The following KHDRBS2 variants were observed in gnomAD, a reference collection of about 807,000 sequenced individuals.
KHDRBS2 encodes KH RNA binding domain containing, signal transduction associated 2, also known as KH domain-containing, RNA-binding, signal transduction-associated protein 2.
In KHDRBS2, 26 loss-of-function variants were observed where a neutral mutation model predicts 44.3. That is an observed-to-expected ratio of 0.59 (90% confidence interval 0.43 to 0.81). The LOEUF (loss-of-function observed/expected upper bound fraction) is 0.81, where lower values mean the gene tolerates loss of function less well. KHDRBS2 is among the 40% of genes least tolerant of loss of function. The pLI is 0.00. For synonymous variants in KHDRBS2, 194 were observed against 151.1 expected (o/e 1.28, Z -2.08); for missense variants, 476 against 433.1 (o/e 1.10, Z -0.88).
chr6:61,680,660 G>GAA lies in KHDRBS2; in HGVS notation c.*301_*302dup. On this transcript the variant is annotated 3_prime_UTR_variant, in exon 9 of 9. Transcript: ENST00000281156. The stretch of plus-strand genomic sequence containing the variant: ...TCCTCAAAAAAAAAAAAAAGAAAAA[G>GAA]AAAAAAAAAAGATTACACACAACAA... The GAA allele has an allele frequency of 1.2e-5, 2 of 165,480 alleles. No homozygotes were observed. Among genetic ancestry groups the GAA allele is most frequent in the Admixed American group, 6.9e-5 (1 of 14,468 alleles). The allele number at this position is 165,480 out of a possible 1,614,324, so 10.3% of individuals were successfully genotyped here.
At chr6:62,170,842 G>A (rs1585047342) in intron 2 of KHDRBS2, among the ~76,000 whole-genome samples, 1 of 151,710 alleles carries the variant, frequency 6.6e-6, no homozygotes, top group Admixed American at 6.6e-5. Context: ...TGTAGCCCAG[G>A]AGTGCAGAAC....
intron 2 of KHDRBS2, among the ~76,000 whole-genome samples, chr6:62,083,238 A>G (rs985315965): frequency 1.3e-5 from 2 of 152,132 alleles, no homozygotes; most frequent in African/African-American, 4.8e-5. Context: ...GGTGAGAAGC[A>G]GCTTGACTCC....
intron 2 of KHDRBS2, among the ~76,000 whole-genome samples, chr6:62,093,214 TTAGA>T (rs1288331266): frequency 3.3e-5 from 5 of 150,746 alleles, no homozygotes; most frequent in East Asian, 1.9e-4. Flanking sequence ...TATCCTGACC[TTAGA>T]TAAAGTAAAA....
intron 1 of KHDRBS2, among the ~76,000 whole-genome samples, chr6:62,263,197 G>C (rs1838650054): frequency 6.6e-6 from 1 of 151,586 alleles, no homozygotes; most frequent in African/African-American, 2.4e-5. Flanking sequence ...AACACATTCA[G>C]TGCTATGAAA....
intron 6 of KHDRBS2, among the ~76,000 whole-genome samples, chr6:61,890,603 T>C (rs778900568): frequency 1.4e-4 from 22 of 152,230 alleles, no homozygotes; most frequent in Non-Finnish European, 2.6e-4. Flanking sequence ...TAAGCCTCTA[T>C]TTGGAGGACA....
chr6:61,817,234 C>CACTTA (rs1274864543), intron 6 of KHDRBS2, among the ~76,000 whole-genome samples: 2 of 151,688 alleles, frequency 1.3e-5, no homozygotes, highest in African/African-American at 4.9e-5. Flanking sequence ...TTTAAAAAAG[C>CACTTA]ACTTATTGTG....
chr6:61,618,025 T>C, the KHDRBS2 span, among the ~76,000 whole-genome samples: 1 of 152,212 alleles, frequency 6.6e-6, no homozygotes, highest in Non-Finnish European at 1.5e-5. Flanking sequence ...TCCACATTGA[T>C]ACAAATTTTT....
intron 2 of KHDRBS2, among the ~76,000 whole-genome samples, chr6:62,134,021 T>A (rs1467291262): frequency 6.6e-6 from 1 of 152,076 alleles, no homozygotes; most frequent in African/African-American, 2.4e-5. Context: ...AAAAGAAAAA[T>A]CCCATTTTCT....
At chr6:61,749,639 G>A (rs1275391187) in intron 6 of KHDRBS2, among the ~76,000 whole-genome samples, 1 of 152,108 alleles carries the variant, frequency 6.6e-6, no homozygotes, top group Non-Finnish European at 1.5e-5. Flanking sequence ...AGATGAACTA[G>A]TAGCTTGGAT....
the KHDRBS2 span, among the ~76,000 whole-genome samples, chr6:61,666,996 T>TTG: frequency 7.3e-5 from 11 of 150,454 alleles, no homozygotes; most frequent in South Asian, 2.1e-4. Context: ...TCTGGGTTTT[T>TTG]TTTTTTTTTT....
chr6:61,824,075 CAA>C (rs1269542395), intron 6 of KHDRBS2, among the ~76,000 whole-genome samples: 1 of 151,890 alleles, frequency 6.6e-6, no homozygotes, highest in African/African-American at 2.4e-5. Context: ...TTTAAAAGTT[CAA>C]AGAGTATTGT....
At chr6:62,217,328 A>C (rs1201496914) in intron 1 of KHDRBS2, among the ~76,000 whole-genome samples, 1 of 151,782 alleles carries the variant, frequency 6.6e-6, no homozygotes, top group East Asian at 1.9e-4. Flanking sequence ...CTGGGTTGTG[A>C]CTTTTTTATT....
chr6:62,119,955 C>G (rs914284966), intron 2 of KHDRBS2, among the ~76,000 whole-genome samples: 4 of 152,160 alleles, frequency 2.6e-5, no homozygotes, highest in African/African-American at 9.7e-5. Context: ...CAGTGCACTA[C>G]TCCCCAAAAG....
intron 6 of KHDRBS2, among the ~76,000 whole-genome samples, chr6:61,774,926 C>A (rs1435752266): frequency 1.3e-5 from 2 of 152,086 alleles, no homozygotes; most frequent in African/African-American, 4.8e-5. Context: ...AGCAGCACAT[C>A]AAAAGGCTCA....
chr6:61,973,948 T>C (rs1771959507), intron 4 of KHDRBS2, among the ~76,000 whole-genome samples: 1 of 152,182 alleles, frequency 6.6e-6, no homozygotes, highest in Admixed American at 6.6e-5. Flanking sequence ...AATCTATTTG[T>C]TATCCATGAC....
At chr6:62,248,550 G>A (rs906286956) in intron 1 of KHDRBS2, among the ~76,000 whole-genome samples, 8 of 151,770 alleles carry the variant, frequency 5.3e-5, no homozygotes, top group African/African-American at 1.9e-4. Context: ...GTAGAGACGG[G>A]GTTTCACCAC....
intron 1 of KHDRBS2, among the ~76,000 whole-genome samples, chr6:62,197,040 T>G (rs1157749455): frequency 6.6e-6 from 1 of 152,050 alleles, no homozygotes; most frequent in African/African-American, 2.4e-5. Flanking sequence ...AATGAGTATA[T>G]CATGCAGTAT....
intron 2 of KHDRBS2, among the ~76,000 whole-genome samples, chr6:62,147,202 T>C (rs1307321652): frequency 6.6e-6 from 1 of 151,920 alleles, no homozygotes; most frequent in Admixed American, 6.6e-5. Flanking sequence ...CTGTGTTGCC[T>C]CAATTTTCTA....
intron 6 of KHDRBS2, among the ~76,000 whole-genome samples, chr6:61,750,430 A>T (rs887068297): frequency 4.6e-5 from 7 of 152,184 alleles, no homozygotes; most frequent in Admixed American, 1.3e-4. Flanking sequence ...TTCAATCTTG[A>T]TTAAGACTTT....
Sources: allele counts gnomAD v4.1 joint callset (sites outside exome capture counted in the v4.1 genomes callset), GRCh38; gene constraint gnomAD v4.1.1; transcripts MANE v1.5; gene names NCBI Gene and HGNC (gene_info 2026-07-23, HGNC 2026-07-21).